The following COL24A1 variants were observed in gnomAD, a reference collection of about 807,000 sequenced individuals.
COL24A1 encodes collagen type XXIV alpha 1 chain, also known as collagen alpha-1(XXIV) chain.
In COL24A1, 224 loss-of-function variants were observed where a neutral mutation model predicts 253.9. The ratio of observed to expected loss-of-function variants is 0.88; its 90% CI spans 0.79 to 0.99. The LOEUF (loss-of-function observed/expected upper bound fraction) is 0.99, where lower values mean the gene tolerates loss of function less well. Among genes scored for constraint, COL24A1 ranks in the 50% least tolerant of loss-of-function variants. The probability of loss-of-function intolerance (pLI) is 0.00; values close to 1 mark genes in which losing one functional copy is unlikely to be tolerated. For missense variants in COL24A1, 2,131 were observed against 2,068.5 expected, an observed-to-expected ratio of 1.03 and a Z score of -0.59; for synonymous variants, 685 against 673.7, an observed-to-expected ratio of 1.02 and a Z score of -0.26.
At chr1:86,110,868 G>A (rs1451909369) in intron 5 of COL24A1, among the ~76,000 whole-genome samples, 1 of 150,828 alleles carries the variant, frequency 6.6e-6, no homozygotes, top group African/African-American at 2.4e-5. Flanking sequence ...CCTCCCCAGT[G>A]GGGGCTCCAC....
intron 19 of COL24A1, among the ~76,000 whole-genome samples, chr1:86,007,971 G>A (rs370059942): frequency 3.6e-4 from 55 of 152,256 alleles, no homozygotes; most frequent in African/African-American, 1.3e-3. Flanking sequence ...GACCTTGGGT[G>A]ATAGTTATGA....
At chr1:85,732,217 T>C (rs552166098) in intron 59 of COL24A1, among the ~76,000 whole-genome samples, 83 of 152,068 alleles carry the variant, frequency 5.5e-4, no homozygotes, top group Admixed American at 1.4e-3. Context: ...ATGCCTGGGA[T>C]TGATTTCTTT....
chr1:85,788,006 T>C (rs191179116), intron 47 of COL24A1, among the ~76,000 whole-genome samples: 2 of 143,180 alleles, frequency 1.4e-5, no homozygotes, highest in East Asian at 3.9e-4. Context: ...TTTTTTGATA[T>C]GTTTGTTGGC....
chr1:86,040,579 C>T (rs569148025), intron 12 of COL24A1, among the ~76,000 whole-genome samples: 32 of 150,714 alleles, frequency 2.1e-4, no homozygotes, highest in African/African-American at 6.1e-4. Context: ...TTATGTTCTG[C>T]CTGGACTTCC....
chr1:85,998,698 G>A (rs192248117), intron 19 of COL24A1, among the ~76,000 whole-genome samples: 181 of 152,242 alleles, frequency 1.2e-3, no homozygotes, highest in Admixed American at 5.5e-3. Context: ...GAAGGAATGC[G>A]TACTGTCCAA....
intron 47 of COL24A1, among the ~76,000 whole-genome samples, chr1:85,815,027 C>T (rs1247567575): frequency 6.6e-6 from 1 of 152,112 alleles, no homozygotes; most frequent in Non-Finnish European, 1.5e-5. Context: ...TTACAATTCA[C>T]TATTTAGCCT....
chr1:85,883,675 T>A (rs192956682), intron 32 of COL24A1: 12 of 152,362 alleles, frequency 7.9e-5, no homozygotes, highest in Admixed American at 3.3e-4. Context: ...TTTCTTTTTT[T>A]AAAAACCCTA....
chr1:85,897,791 T>C (rs1683896917), intron 28 of COL24A1, among the ~76,000 whole-genome samples: 1 of 152,220 alleles, frequency 6.6e-6, no homozygotes, highest in Non-Finnish European at 1.5e-5. Context: ...TACAGTGATT[T>C]ATAATTGAGA....
chr1:85,945,366 A>T (rs191581287), intron 24 of COL24A1, among the ~76,000 whole-genome samples: 87 of 151,678 alleles, frequency 5.7e-4, no homozygotes, highest in Admixed American at 1.2e-3. Flanking sequence ...TTGTACTGAA[A>T]ATCCTGAAGC....
Position 86,156,516 on chromosome 1 carries a change from T to A in COL24A1, c.-120A>T. ...AAAACAATCACATGAAAACCATGCT[T>A]CAAACCCGCAACAAGAAAAAAAGGA... is the stretch of plus-strand genomic sequence containing the variant. On this transcript the variant is annotated 5_prime_UTR_variant, in exon 1 of 60. Transcript: ENST00000370571. The A allele has an allele frequency of 1.5e-5, 13 of 857,244 alleles. No homozygotes were observed. The highest frequency in any genetic ancestry group is 3.2e-5 in the Admixed American group (1 of 31,046). 53.1% of individuals were successfully genotyped at this position (857,244 alleles called of 1,614,324 possible). A position where few individuals can be genotyped will look rare whatever the true frequency, so the allele number is the denominator to read the frequency against.
At position 85,940,276 on chromosome 1, in the gene COL24A1, C is replaced by T. The variant is rs1191248723; in HGVS notation, c.2562+20973G>A. 2.0e-4 allele frequency among the ~76,000 whole-genome samples: 12 copies of T among 61,262 alleles called. 3 individuals are homozygous for T. The highest frequency in any genetic ancestry group is 6.1e-4 in the African/African-American group (12 of 19,654). The allele number at this position is 61,262 out of a possible 152,430, so 40.2% of individuals were successfully genotyped here. On this transcript the variant is annotated intron_variant, in intron 24 of 59. Coordinates refer to ENST00000370571, the MANE Select transcript of COL24A1 (RefSeq NM_152890.7). ...AAAATTAGCCGGGCGTGGTAGCGGG[C>T]GCCTGTAGTCCCAGCTACTCGGGAG...
chr1:86,137,566 A>T (rs1157932885), intron 2 of COL24A1, among the ~76,000 whole-genome samples: 1 of 152,180 alleles, frequency 6.6e-6, no homozygotes, highest in African/African-American at 2.4e-5. Context: ...GTTAAGTAAC[A>T]GCAGAACTGA....
chr1:86,055,546 G>T (rs1386056770), intron 10 of COL24A1, among the ~76,000 whole-genome samples: 1 of 152,088 alleles, frequency 6.6e-6, no homozygotes, highest in South Asian at 2.1e-4. Context: ...ATGACAAAAC[G>T]CAGTAAGAGT....
intron 14 of COL24A1, among the ~76,000 whole-genome samples, chr1:86,027,883 G>A (rs1269385426): frequency 6.6e-6 from 1 of 152,170 alleles, no homozygotes; most frequent in East Asian, 1.9e-4. Flanking sequence ...ACCCTTTAAA[G>A]CTACAGGGTG....
intron 5 of COL24A1, among the ~76,000 whole-genome samples, chr1:86,095,707 A>G (rs893248992): frequency 2.6e-5 from 4 of 152,106 alleles, no homozygotes; most frequent in African/African-American, 9.7e-5. Context: ...AATTAATCAT[A>G]ACTGACTCTG....
intron 37 of COL24A1, among the ~76,000 whole-genome samples, chr1:85,866,517 T>C (rs1679813132): frequency 6.6e-6 from 1 of 152,086 alleles, no homozygotes; most frequent in South Asian, 2.1e-4. Flanking sequence ...CTTACACATG[T>C]AATCCCAGCA....
chr1:85,924,656 T>C (rs901714810), intron 24 of COL24A1, among the ~76,000 whole-genome samples: 5 of 152,158 alleles, frequency 3.3e-5, no homozygotes, highest in East Asian at 1.9e-4. Flanking sequence ...AACTAGGTAT[T>C]GATGGAACAT....
intron 32 of COL24A1, among the ~76,000 whole-genome samples, chr1:85,887,699 T>A (rs1363374368): frequency 6.6e-6 from 1 of 152,124 alleles, no homozygotes; most frequent in Non-Finnish European, 1.5e-5. Context: ...TCTAAGGGGA[T>A]CTAATATTAT....
At chr1:85,950,953 G>C (rs1174511358) in intron 24 of COL24A1, among the ~76,000 whole-genome samples, 1 of 152,184 alleles carries the variant, frequency 6.6e-6, no homozygotes, top group African/African-American at 2.4e-5. Flanking sequence ...ACTGCTTACA[G>C]TACAGTTCTG....
Sources: allele counts gnomAD v4.1 joint callset (sites outside exome capture counted in the v4.1 genomes callset), GRCh38; gene constraint gnomAD v4.1.1; transcripts MANE v1.5; gene names NCBI Gene and HGNC (gene_info 2026-07-23, HGNC 2026-07-21).